Variants in HPS4 observed in about 807,000 individuals in gnomAD.
HPS4 encodes HPS4 biogenesis of lysosomal organelles complex 3 subunit 2.
Under a neutral mutation model 70.3 loss-of-function variants are expected in HPS4, and 44 were observed. The ratio of observed to expected loss-of-function variants is 0.63; its 90% CI spans 0.49 to 0.80. HPS4 has a LOEUF of 0.80. Among genes scored for constraint, HPS4 ranks in the 30% least tolerant of loss-of-function variants. The pLI is 0.00. For missense variants in HPS4, 873 were observed against 884.4 expected (o/e 0.99, Z 0.16); for synonymous variants, 377 against 355.9 (o/e 1.06, Z -0.67).
intron 8 of HPS4, chr22:26,468,224 C>A: frequency 2.7e-6 from 1 of 374,872 alleles, no homozygotes; most frequent in Non-Finnish European, 5.1e-6. Flanking sequence ...TCTAAAGACA[C>A]ATCCTTTACA....
In HPS4 at chr22:26,452,660, C is replaced by A. The variant is rs2085400514; in HGVS notation, c.*573G>T. On this transcript the variant is annotated 3_prime_UTR_variant, in exon 14 of 14. Transcript: ENST00000398145. ...CCCCTAGATTTGAGTAGAGTTCCAA[C>A]AGAATTCAACCAAGTGGTCTCCGTG... 1 of 252,936 alleles carries A rather than the reference C, an allele frequency of 4.0e-6. No individual in the cohort carries two copies. Among genetic ancestry groups the A allele is most frequent in the South Asian group, 4.4e-5 (1 of 22,732 alleles). The allele number at this position is 252,936 out of a possible 1,614,324, so 15.7% of individuals were successfully genotyped here.
chr22:26,468,458 C>G (rs2089136889), intron 8 of HPS4, 93 bp downstream of exon 8: 2 of 1,098,704 alleles, frequency 1.8e-6, no homozygotes, highest in Non-Finnish European at 2.7e-6. Context: ...AACAACTGCT[C>G]CACGGCCTCT....
At chr22:26,479,144 C>T (rs1379368046) in intron 3 of HPS4, 121 bp downstream of exon 3, 6 of 934,512 alleles carry the variant, frequency 6.4e-6, no homozygotes, top group Non-Finnish European at 8.6e-6. Flanking sequence ...AAGAATAAGA[C>T]AGTAGAAATG....
downstream of HPS4, among the ~76,000 whole-genome samples, chr22:26,450,879 C>T (rs914017713): frequency 2.1e-4 from 32 of 152,224 alleles, no homozygotes; most frequent in African/African-American, 7.7e-4. Flanking sequence ...TCAGTTAAAC[C>T]TCTTTCCTTT....
At chr22:26,459,071 G>T (rs182633622) in intron 11 of HPS4, among the ~76,000 whole-genome samples, 1 of 152,276 alleles carries the variant, frequency 6.6e-6, no homozygotes, top group East Asian at 1.9e-4. Flanking sequence ...TCCTACCCAG[G>T]CTGCATGATT....
chr22:26,475,113 A>G (rs577790244), intron 4 of HPS4, among the ~76,000 whole-genome samples: 2 of 152,212 alleles, frequency 1.3e-5, no homozygotes, highest in African/African-American at 4.8e-5. Flanking sequence ...GTGTTCACCA[A>G]AATACTTGTA....
chr22:26,472,004 G>A (rs1339465225), intron 6 of HPS4, among the ~76,000 whole-genome samples: 1 of 152,198 alleles, frequency 6.6e-6, no homozygotes. Flanking sequence ...TCAGATTACT[G>A]AGTTCAACAC....
Position 26,464,691 on chromosome 22 carries a change from G to A in HPS4, c.939C>T (p.Ser313=), listed in dbSNP as rs375673570. 6.2e-6 allele frequency: 10 copies of A among 1,609,464 alleles called. No individual in the cohort carries two copies. Among genetic ancestry groups the A allele is most frequent in the African/African-American group, 1.3e-5 (1 of 74,922 alleles). ...TGCCATCTGGACAAGCTTCGTCAGG[G>A]GATGTGGGATCTGGGGTGGTCCAGG... ...SMAWTTPDPT[S]PDEACPDGRK... is the part of the protein sequence containing the mutation. The change falls in exon 11 of 14, where the codon TCC becomes TCT. Residue 313 remains serine (S), a synonymous_variant. Transcript: ENST00000398145.
downstream of HPS4, among the ~76,000 whole-genome samples, chr22:26,447,586 C>T (rs1045427682): frequency 2.6e-5 from 4 of 152,102 alleles, no homozygotes; most frequent in African/African-American, 9.7e-5. Flanking sequence ...AGAGGCTAAG[C>T]ACAGAATGAG....
At chr22:26,453,961 G>A (rs2085640565) in intron 13 of HPS4, 2 of 165,062 alleles carry the variant, frequency 1.2e-5, no homozygotes, top group Admixed American at 1.1e-4. Flanking sequence ...GTGACACGAA[G>A]TGACAGGAAG....
Position 26,464,235 on chromosome 22 carries a change from G to C in HPS4, c.1395C>G (p.Thr465=), listed in dbSNP as rs372027593. ...AGCGAGGCAATAACAAGGGCCTGCG[G>C]GTCCTTCTGGGGAGAGGGTCTGCTC... The part of the protein sequence containing the change: ...IPRADPLPRR[T]RRPLLLPRLD... Residue 465 remains threonine (T), a synonymous_variant, in exon 11 of 14, where the codon ACC becomes ACG. Transcript: ENST00000398145. 10 of 1,614,078 alleles carry C rather than the reference G, an allele frequency of 6.2e-6. No individual in the cohort carries two copies. The highest frequency in any genetic ancestry group is 8.5e-6 in the Non-Finnish European group (10 of 1,180,056).
Position 26,452,795 on chromosome 22 carries a change from GC to G in HPS4, c.*437del, listed in dbSNP as rs773328400. On this transcript the variant is annotated 3_prime_UTR_variant, in exon 14 of 14. Transcript: ENST00000398145. Reference sequence around the variant, plus strand: ...GGCCTGCTCACAGATCCGGCACCTCGCTGTGCAGTCACACCGCCTACCACCA... The same window carrying G: ...GGCCTGCTCACAGATCCGGCACCTCGTGTGCAGTCACACCGCCTACCACCA... 7.8e-6 allele frequency: 2 copies of G among 255,496 alleles called. No homozygotes were observed. Among genetic ancestry groups the G allele is most frequent in the South Asian group, 9.0e-5 (2 of 22,166 alleles). The allele number at this position is 255,496 out of a possible 1,614,324, so 15.8% of individuals were successfully genotyped here.
chr22:26,481,643 G>C lies in HPS4; in HGVS notation c.41+79C>G, dbSNP rs77795764. ...ATGTTAATAAAATTAACACAATCTG[G>C]CTGGGGATTTTCAATTAACCCCAAA... is the stretch of plus-strand genomic sequence containing the variant. On this transcript the variant is annotated intron_variant, in intron 2 of 13. Transcript: ENST00000398145. 12,338 of 1,295,088 alleles carry C rather than the reference G, an allele frequency of 9.5e-3. 90 individuals carry two copies. Among genetic ancestry groups the C allele is most frequent in the South Asian group, 0.013 (1,069 of 84,560 alleles). The allele number at this position is 1,295,088 out of a possible 1,614,324, so 80.2% of individuals were successfully genotyped here.
rs2085137716 is a variant in HPS4 at position 26,450,929 on chromosome 22, T to C, written c.*2304A>G. 6.6e-6 allele frequency among the ~76,000 whole-genome samples: 1 copy of C among 152,238 alleles called. No individual in the cohort carries two copies. Among genetic ancestry groups the C allele is most frequent in the African/African-American group, 2.4e-5 (1 of 41,460 alleles). On this transcript the variant is annotated 3_prime_UTR_variant, in exon 14 of 14. Transcript: ENST00000398145. ...CTCGGGTATGTCTTTATTAGAACCG[T>C]GAGAACGGACTAACACACCACTATT...
At chr22:26,458,726 G>A (rs2086670359) in intron 11 of HPS4, 149 bp from the exon 12 acceptor site, 1 of 870,210 alleles carries the variant, frequency 1.1e-6, no homozygotes, top group Non-Finnish European at 1.8e-6. Flanking sequence ...TGAGACCGAG[G>A]CAGGAGGATC....
chr22:26,472,224 T>A (rs2089922879), intron 6 of HPS4, 78 bp downstream of exon 6: 1 of 916,302 alleles, frequency 1.1e-6, no homozygotes. Flanking sequence ...CAGATATAGT[T>A]CACTTCAGGA....
chr22:26,443,138 T>A (rs2084867108), downstream of HPS4: 1 of 1,613,996 alleles, frequency 6.2e-7, no homozygotes, highest in Non-Finnish European at 8.5e-7. Context: ...CATGGTGGAT[T>A]TGTGGCATCC....
Position 26,464,704 on chromosome 22 carries a change from G to A in HPS4, c.926C>T (p.Pro309Leu). ...GHVESMAWTT[P>L]DPTSPDEACP... The stretch of plus-strand genomic sequence containing the variant: ...AGCTTCGTCAGGGGATGTGGGATCT[G>A]GGGTGGTCCAGGCCATGGATTCCAC... Residue 309 changes from proline to leucine, a missense_variant, in exon 11 of 14, where the codon CCA becomes CTA. By Grantham distance (98) the Pro-to-Leu change is moderately conservative. Coordinates refer to ENST00000398145, the MANE Select transcript of HPS4 (RefSeq NM_022081.6). The A allele has an allele frequency of 6.2e-7, 1 of 1,606,910 alleles. No individual in the cohort carries two copies. The highest frequency in any genetic ancestry group is 8.5e-7 in the Non-Finnish European group (1 of 1,175,084).
chr22:26,468,403 G>C (rs1396119265), intron 8 of HPS4, 148 bp downstream of exon 8: 1 of 724,114 alleles, frequency 1.4e-6, no homozygotes, highest in South Asian at 1.5e-5. Context: ...TCACTACTGA[G>C]GAGAATGACA....
Sources: allele counts gnomAD v4.1 joint callset (sites outside exome capture counted in the v4.1 genomes callset), GRCh38; gene constraint gnomAD v4.1.1; transcripts MANE v1.5; gene names NCBI Gene and HGNC (gene_info 2026-07-23, HGNC 2026-07-21).